CNTNAP2: variants seen among roughly 807,000 people sequenced by gnomAD.
CNTNAP2 encodes the protein contactin associated protein 2, also known as contactin-associated protein-like 2.
In CNTNAP2, 98 loss-of-function variants were observed where a neutral mutation model predicts 155.2. The observed-to-expected ratio is 0.63, with a 90% CI of 0.54 to 0.75. The LOEUF (loss-of-function observed/expected upper bound fraction) is 0.75. Among genes scored for constraint, CNTNAP2 ranks in the 30% least tolerant of loss-of-function variants. The pLI, the probability that CNTNAP2 is intolerant of heterozygous loss-of-function variation, is 0.00. For synonymous variants in CNTNAP2, 651 were observed against 631.2 expected (o/e 1.03, Z -0.47); for missense variants, 1,727 against 1,688.1 (o/e 1.02, Z -0.40).
At chr7:147,108,541 T>C (rs113588795) in intron 5 of CNTNAP2, among the ~76,000 whole-genome samples, 191 bp downstream of exon 5, 4 of 152,302 alleles carry the variant, frequency 2.6e-5, no homozygotes, top group African/African-American at 9.6e-5. Context: ...TAAACACCTC[T>C]ACTATACAAG....
intron 16 of CNTNAP2, among the ~76,000 whole-genome samples, chr7:148,120,125 G>C (rs1195655415): frequency 6.7e-6 from 1 of 150,136 alleles, no homozygotes; most frequent in Non-Finnish European, 1.5e-5. Context: ...TTCTATAAAA[G>C]TGCTTGGATT....
Position 148,377,506 on chromosome 7 carries a change from G to A in CNTNAP2, c.3476-6143G>A, listed in dbSNP as rs534602152. ...AAGACAAATCCATTTTTAATGAGAC[G>A]GACAGATTTTCAGGTAATAGTACTG... On this transcript the variant is annotated intron_variant, in intron 21 of 23. Coordinates refer to ENST00000361727, the MANE Select transcript of CNTNAP2 (RefSeq NM_014141.6). Among the ~76,000 whole-genome samples the A allele has an allele frequency of 1.2e-3, 83 of 67,112 alleles. 29 individuals are homozygous for A. The highest frequency in any genetic ancestry group is 2.9e-3 in the African/African-American group (79 of 27,400). The allele number at this position is 67,112 out of a possible 152,430, so 44.0% of individuals were successfully genotyped here. A position where few individuals can be genotyped will look rare whatever the true frequency, so the allele number is the denominator to read the frequency against.
At chr7:148,060,144 T>C (rs952297724) in intron 15 of CNTNAP2, among the ~76,000 whole-genome samples, 1 of 152,184 alleles carries the variant, frequency 6.6e-6, no homozygotes, top group African/African-American at 2.4e-5. Flanking sequence ...AGCTTTGCTG[T>C]TGGGAAAATT....
intron 1 of CNTNAP2, among the ~76,000 whole-genome samples, chr7:146,571,720 C>A (rs923673786): frequency 7.4e-6 from 1 of 135,100 alleles, no homozygotes; most frequent in African/African-American, 2.9e-5. Context: ...CATTTAAAAA[C>A]TTTTCTTTTC....
intron 1 of CNTNAP2, among the ~76,000 whole-genome samples, chr7:146,377,119 A>ACTCTAGG (rs1158353676): frequency 6.6e-6 from 1 of 151,534 alleles, no homozygotes; most frequent in Non-Finnish European, 1.5e-5. Flanking sequence ...ACTCAGAAAA[A>ACTCTAGG]CTCTAGGCTC....
intron 15 of CNTNAP2, among the ~76,000 whole-genome samples, chr7:148,098,369 A>G (rs552579455): frequency 1.8e-4 from 24 of 137,050 alleles, no homozygotes; most frequent in Non-Finnish European, 2.9e-4. Context: ...GCTTGAATCC[A>G]GGAGGCAGAG....
At chr7:148,123,619 CAAGG>C (rs1804645142) in intron 16 of CNTNAP2, among the ~76,000 whole-genome samples, 1 of 114,922 alleles carries the variant, frequency 8.7e-6, no homozygotes, top group South Asian at 2.7e-4. Flanking sequence ...GGAAGGGAGA[CAAGG>C]AAGGGAGAGC....
intron 1 of CNTNAP2, among the ~76,000 whole-genome samples, chr7:146,682,137 T>C (rs1800515561): frequency 6.6e-6 from 1 of 152,148 alleles, no homozygotes; most frequent in Non-Finnish European, 1.5e-5. Flanking sequence ...TTCACATCTA[T>C]CATTCATCTT....
intron 11 of CNTNAP2, among the ~76,000 whole-genome samples, chr7:147,521,069 G>A (rs1336764200): frequency 6.6e-6 from 1 of 152,308 alleles, no homozygotes; most frequent in South Asian, 2.1e-4. Context: ...ACACCTTCCA[G>A]ATTAAGTCAA....
At chr7:147,222,811 G>GTTTTTT (rs35654327) in intron 8 of CNTNAP2, among the ~76,000 whole-genome samples, 4 of 81,920 alleles carry the variant, frequency 4.9e-5, no homozygotes, top group African/African-American at 9.4e-5. Context: ...GTTTCTCAGG[G>GTTTTTT]TTTTTTTTTT....
rs547542832 is a variant in CNTNAP2, at chr7:146,129,507, C to T, written c.97+12534C>T. On this transcript the variant is annotated intron_variant, in intron 1 of 23. Transcript: ENST00000361727. ...TTTCCTTCCTGGAGTTGTACTGTGT[C>T]AACTGCTCCCTAAGAAATGGGTAAA... is the stretch of plus-strand genomic sequence containing the variant. Among the ~76,000 whole-genome samples the T allele has an allele frequency of 2.6e-5, 4 of 152,202 alleles. No individual in the cohort carries two copies. The East Asian group carries it at 7.7e-4, about 29-fold the overall frequency.
At position 146,116,925 on chromosome 7, in the gene CNTNAP2, A is replaced by T; in HGVS notation, c.49A>T (p.Ile17Phe). ...AGCGAALLLW[I>F]VSSCLCRAWT... Reference sequence around the variant, plus strand: ...CTGCGGGGCAGCGCTCCTGCTGTGGATTGTCAGCAGCTGCCTCTGCAGAGC... The same window carrying T: ...CTGCGGGGCAGCGCTCCTGCTGTGGTTTGTCAGCAGCTGCCTCTGCAGAGC... The change falls in exon 1 of 24, where the codon ATT (isoleucine) becomes TTT (phenylalanine). Residue 17 changes from isoleucine to phenylalanine, a missense_variant. Transcript: ENST00000361727. This position sits in a 1 kb window ranked among gnomAD's most constrained non-coding sequence, Gnocchi z 5.5. 1 of 1,552,562 alleles carries T rather than the reference A, an allele frequency of 6.4e-7. No individual in the cohort carries two copies. The highest frequency in any genetic ancestry group is 8.7e-7 in the Non-Finnish European group (1 of 1,147,694).
chr7:148,265,084 T>C (rs1796643796), intron 20 of CNTNAP2, among the ~76,000 whole-genome samples: 1 of 152,230 alleles, frequency 6.6e-6, no homozygotes. Context: ...CAATGGCATT[T>C]TGCATTTAAC....
chr7:148,068,835 G>GT (rs1405775685), intron 15 of CNTNAP2, among the ~76,000 whole-genome samples: 2 of 152,188 alleles, frequency 1.3e-5, no homozygotes, highest in Admixed American at 1.3e-4. Flanking sequence ...GACCCAGGTT[G>GT]TTTTATTACA....
intron 8 of CNTNAP2, among the ~76,000 whole-genome samples, chr7:147,237,945 G>A (rs1803848563): frequency 6.6e-6 from 1 of 152,136 alleles, no homozygotes; most frequent in Admixed American, 6.5e-5. Context: ...AAATTCCATG[G>A]GATAGTGCTA....
chr7:147,787,479 A>G (rs1797758047), intron 13 of CNTNAP2, among the ~76,000 whole-genome samples: 1 of 152,250 alleles, frequency 6.6e-6, no homozygotes, highest in Non-Finnish European at 1.5e-5. Flanking sequence ...GTCATTGTAT[A>G]CCACATGGTT....
chr7:147,271,950 T>C (rs1264004961), intron 8 of CNTNAP2, among the ~76,000 whole-genome samples: 1 of 152,164 alleles, frequency 6.6e-6, no homozygotes, highest in African/African-American at 2.4e-5. Context: ...TGGAGTGCTA[T>C]GGCGCAGTCT....
At chr7:146,504,889 C>T (rs1297620342) in intron 1 of CNTNAP2, among the ~76,000 whole-genome samples, 3 of 152,184 alleles carry the variant, frequency 2.0e-5, no homozygotes, top group South Asian at 2.1e-4. Flanking sequence ...TCACCTATTC[C>T]ATCACACCTT....
intron 1 of CNTNAP2, among the ~76,000 whole-genome samples, chr7:146,373,815 A>T (rs1205056485): frequency 2.0e-5 from 3 of 152,220 alleles, no homozygotes; most frequent in African/African-American, 4.8e-5. Context: ...ATAAAAGGTC[A>T]TATACACGTT....
Sources: allele counts gnomAD v4.1 joint callset (sites outside exome capture counted in the v4.1 genomes callset), GRCh38; gene constraint gnomAD v4.1.1; non-coding constraint Gnocchi (gnomAD v3.1); transcripts MANE v1.5; gene names NCBI Gene and HGNC (gene_info 2026-07-23, HGNC 2026-07-21).